UBE3A: variants seen among roughly 807,000 people sequenced by gnomAD.
UBE3A encodes ubiquitin-protein ligase E3A.
In UBE3A, 6 loss-of-function variants were observed where a neutral mutation model predicts 83.4. The observed-to-expected ratio is 0.07, with a 90% CI of 0.04 to 0.14. UBE3A has a LOEUF of 0.14. Ranked by LOEUF, UBE3A falls within the 10% of genes least tolerant of loss-of-function variation. UBE3A has a pLI of 1.00. For missense variants in UBE3A, 456 were observed against 1,036.1 expected (o/e 0.44, Z 7.69); for synonymous variants, 337 against 355.4 (o/e 0.95, Z 0.58).
At chr15:25,435,923 G>A (rs1358590465) in intron 1 of UBE3A, among the ~76,000 whole-genome samples, 1 of 152,198 alleles carries the variant, frequency 6.6e-6, no homozygotes, top group African/African-American at 2.4e-5. Context: ...AAACTGGATA[G>A]GAAGATTTCT....
chr15:25,405,724 T>C (rs2088365749), intron 3 of UBE3A: 2 of 568,070 alleles, frequency 3.5e-6, no homozygotes, highest in African/African-American at 1.9e-5. Flanking sequence ...TGCATGTTTT[T>C]TAAAGGAAAC....
At chr15:25,343,494 T>C (rs928906116) in intron 11 of UBE3A, among the ~76,000 whole-genome samples, 5 of 152,146 alleles carry the variant, frequency 3.3e-5, no homozygotes, top group Non-Finnish European at 7.4e-5. Flanking sequence ...GCTAATTTTA[T>C]TATAAGGTGA....
intron 1 of UBE3A, chr15:25,413,011 A>G (rs1410698726): frequency 1.8e-5 from 8 of 451,736 alleles, no homozygotes; most frequent in African/African-American, 6.0e-5. Flanking sequence ...TATACTTCAC[A>G]TGACACACAG....
chr15:25,359,322 C>T (rs2152722094), intron 7 of UBE3A, among the ~76,000 whole-genome samples: 1 of 152,066 alleles, frequency 6.6e-6, no homozygotes, highest in South Asian at 2.1e-4. Flanking sequence ...AGGGCGTCGT[C>T]TTATGTATCT....
chr15:25,396,101 C>G (rs963425114), intron 4 of UBE3A, among the ~76,000 whole-genome samples: 9 of 151,684 alleles, frequency 5.9e-5, no homozygotes, highest in Admixed American at 5.9e-4. Flanking sequence ...ACTCGGGTGG[C>G]TGAGGCAGGA....
intron 11 of UBE3A, among the ~76,000 whole-genome samples, chr15:25,341,353 G>A (rs573412198): frequency 2.0e-5 from 3 of 151,582 alleles, no homozygotes; most frequent in Non-Finnish European, 4.4e-5. Flanking sequence ...TTGCAGGCAT[G>A]AGCCACCGCG....
intron 1 of UBE3A, among the ~76,000 whole-genome samples, chr15:25,426,303 A>G (rs1891290871): frequency 6.6e-6 from 1 of 152,300 alleles, no homozygotes; most frequent in Non-Finnish European, 1.5e-5. Flanking sequence ...CAATTCTACA[A>G]TCTGAAAACA....
At chr15:25,431,731 T>C (rs1023184891) in intron 1 of UBE3A, among the ~76,000 whole-genome samples, 3 of 152,174 alleles carry the variant, frequency 2.0e-5, no homozygotes, top group African/African-American at 4.8e-5. Flanking sequence ...TTAATCTTTG[T>C]GTGAAACAGG....
intron 11 of UBE3A, among the ~76,000 whole-genome samples, chr15:25,342,386 C>T (rs781559410): frequency 7.9e-5 from 12 of 151,920 alleles, no homozygotes; most frequent in Non-Finnish European, 1.2e-4. Flanking sequence ...TATATTATTA[C>T]GGAGCTGTTT....
At chr15:25,342,224 T>A (rs2074962633) in intron 11 of UBE3A, among the ~76,000 whole-genome samples, 1 of 151,480 alleles carries the variant, frequency 6.6e-6, no homozygotes, top group Admixed American at 6.6e-5. Context: ...CTGCAGTGGG[T>A]GGTAATAAAG....
chr15:25,350,809 G>A (rs796070002), intron 11 of UBE3A, among the ~76,000 whole-genome samples: 27 of 152,278 alleles, frequency 1.8e-4, no homozygotes, highest in African/African-American at 6.5e-4. Flanking sequence ...GAGTCTTCAT[G>A]CAGTACAAGT....
chr15:25,353,387 G>A (rs551371419), intron 11 of UBE3A, among the ~76,000 whole-genome samples: 11 of 152,274 alleles, frequency 7.2e-5, no homozygotes, highest in African/African-American at 2.4e-4. Flanking sequence ...CCAGGACCAC[G>A]TGTGTATACC....
At chr15:25,436,513 A>G (rs1411013286) in intron 1 of UBE3A, among the ~76,000 whole-genome samples, 1 of 152,238 alleles carries the variant, frequency 6.6e-6, no homozygotes, top group African/African-American at 2.4e-5. Flanking sequence ...TGAGAGAAAC[A>G]GTGTATTATC....
intron 4 of UBE3A, among the ~76,000 whole-genome samples, chr15:25,381,555 A>C (rs2082171785): frequency 6.6e-6 from 1 of 152,210 alleles, no homozygotes. Context: ...ATTATACAGA[A>C]GGTAAAGCAG....
chr15:25,405,340 AT>A, intron 4 of UBE3A, 120 bp downstream of exon 4: 1 of 1,198,496 alleles, frequency 8.3e-7, no homozygotes, highest in Non-Finnish European at 1.2e-6. Flanking sequence ...CCTATCTCCC[AT>A]TTACTGCTAA....
intron 4 of UBE3A, among the ~76,000 whole-genome samples, chr15:25,394,771 A>T (rs2085174372): frequency 6.6e-6 from 1 of 152,178 alleles, no homozygotes; most frequent in Non-Finnish European, 1.5e-5. Flanking sequence ...TTCTTCCTAC[A>T]TTTCTGCAAG....
chr15:25,407,268 G>A, intron 3 of UBE3A: 1 of 1,072,208 alleles, frequency 9.3e-7, no homozygotes, highest in Non-Finnish European at 1.1e-6. Flanking sequence ...TGGCACTGAG[G>A]GAAGAGAGGC....
intron 6 of UBE3A, among the ~76,000 whole-genome samples, chr15:25,361,029 CTT>C (rs1380686373): frequency 6.6e-6 from 1 of 151,852 alleles, no homozygotes; most frequent in East Asian, 1.9e-4. Context: ...CACAGTAAGA[CTT>C]AGTATAAATT....
rs549260510 is a variant in UBE3A, at chr15:25,336,394, C to T, written c.*2743G>A. The T allele has an allele frequency of 3.9e-5, 6 of 152,226 alleles. No individual in the cohort carries two copies. Among genetic ancestry groups the T allele is most frequent in the South Asian group, 2.1e-4 (1 of 4,814 alleles). The allele number at this position is 152,226 out of a possible 1,614,324, so 9.4% of individuals were successfully genotyped here. A position where few individuals can be genotyped will look rare whatever the true frequency, so the allele number is the denominator to read the frequency against. On this transcript the variant is annotated 3_prime_UTR_variant, in exon 13 of 13. Coordinates refer to ENST00000648336, the MANE Select transcript of UBE3A (RefSeq NM_130839.5). ...TATGGAATTCTTGAGAAAAATTCCTCGAAGGGGCCTGAAATCTCAGAATGG... is the reference window on the plus strand; with the variant it reads ...TATGGAATTCTTGAGAAAAATTCCTTGAAGGGGCCTGAAATCTCAGAATGG...
Sources: gnomAD v4.1 joint callset for allele counts (sites outside exome capture counted in the v4.1 genomes callset) on GRCh38, gnomAD v4.1.1 for gene constraint, MANE v1.5 for transcripts, NCBI Gene and HGNC (gene_info 2026-07-23, HGNC 2026-07-21) for gene names.